The following LTBP2 variants were observed in gnomAD, a reference collection of about 807,000 sequenced individuals.
LTBP2 encodes latent transforming growth factor beta binding protein 2, also known as latent-transforming growth factor beta-binding protein 2.
LTBP2 carries 103 observed loss-of-function variants against 210.6 expected under a neutral mutation model. The observed-to-expected ratio is 0.49, with a 90% CI of 0.42 to 0.58. The LOEUF is 0.58. LTBP2 is among the 20% of genes least tolerant of loss of function. The pLI is 0.00. For synonymous variants in LTBP2, 1,007 were observed against 1,015.0 expected, an observed-to-expected ratio of 0.99 and a Z score of 0.15; for missense variants, 2,313 against 2,494.5, an observed-to-expected ratio of 0.93 and a Z score of 1.55.
chr14:74,517,003 G>A, intron 17 of LTBP2, 62 bp from the exon 18 acceptor site: 1 of 1,540,388 alleles, frequency 6.5e-7, no homozygotes, highest in South Asian at 1.2e-5. Context: ...GAGGGGGCGG[G>A]GTCCTGGAGC....
rs1176431985 is a variant in LTBP2, at chr14:74,540,820, ATT to A, written c.1790-4822_1790-4821del. On this transcript the variant is annotated intron_variant, in intron 8 of 35. Transcript: ENST00000261978. ...TTATATATATATATAATATATATAT[ATT>A]TTTATATAATATATATTTATATATA... 1.0e-3 allele frequency among the ~76,000 whole-genome samples: 20 copies of A among 19,506 alleles called. No individual in the cohort carries two copies. The Non-Finnish European group carries it at 0.011, about 11-fold the overall frequency. The allele number at this position is 19,506 out of a possible 152,430, so 12.8% of individuals were successfully genotyped here. A position where few individuals can be genotyped will look rare whatever the true frequency, so the allele number is the denominator to read the frequency against.
chr14:74,600,397 G>T (rs1197764097), intron 2 of LTBP2, among the ~76,000 whole-genome samples: 2 of 152,164 alleles, frequency 1.3e-5, no homozygotes, highest in African/African-American at 4.8e-5. Flanking sequence ...AGGGGAGAAG[G>T]TATGGCAGCA....
chr14:74,580,691 C>T (rs1459153284), intron 3 of LTBP2, among the ~76,000 whole-genome samples: 1 of 152,172 alleles, frequency 6.6e-6, no homozygotes, highest in Non-Finnish European at 1.5e-5. Context: ...GGGCCAGGTG[C>T]AGTGGCTCAC....
At chr14:74,604,171 A>AAAAAAAAAAAAAAAAAAAAAAC (rs2088490397) in intron 1 of LTBP2, among the ~76,000 whole-genome samples, 1 of 150,628 alleles carries the variant, frequency 6.6e-6, no homozygotes, top group African/African-American at 2.5e-5. Context: ...CACCAAAAAA[A>AAAAAAAAAAAAAAAAAAAAAAC]AAAAAAAAAA....
chr14:74,566,411 G>C (rs573768440), intron 3 of LTBP2, among the ~76,000 whole-genome samples: 1 of 152,238 alleles, frequency 6.6e-6, no homozygotes, highest in Non-Finnish European at 1.5e-5. Context: ...CGGCCAAAGC[G>C]CAGAGGCTGC....
intron 8 of LTBP2, among the ~76,000 whole-genome samples, chr14:74,545,082 G>A (rs1012723167): frequency 2.6e-5 from 4 of 152,106 alleles, no homozygotes; most frequent in African/African-American, 9.7e-5. Flanking sequence ...ATCTTGACGC[G>A]CATCCTCTTG....
Position 74,527,355 on chromosome 14 carries a change from C to G in LTBP2, c.2380G>C (p.Ala794Pro). Residue 794 changes from alanine (A) to proline (P), a missense_variant, in exon 13 of 36, where the codon GCT becomes CCT. Physicochemically the swap from Ala to Pro is conservative, Grantham distance 27 (BLOSUM62 -1). This residue lies in a region of LTBP2 where 1,867 missense variants were observed against 1,976.9 expected (regional missense o/e 0.94). Transcript: ENST00000261978. ...GTIPDKGDSQ[A>P]GQVTTSVTHA... Reference sequence around the variant, plus strand: ...TGGGAGGACGCACTCACCTGGCCAGCCTGAGAGTCACCTGGAAGGGAAAGG... The same window carrying G: ...TGGGAGGACGCACTCACCTGGCCAGGCTGAGAGTCACCTGGAAGGGAAAGG... The G allele has an allele frequency of 9.3e-6, 15 of 1,611,590 alleles. No homozygotes were observed. The highest frequency in any genetic ancestry group is 1.2e-5 in the Non-Finnish European group (14 of 1,179,188).
At chr14:74,506,008 C>A in intron 28 of LTBP2, 40 bp downstream of exon 28, 31 of 1,613,472 alleles carry the variant, frequency 1.9e-5, no homozygotes, top group Non-Finnish European at 2.5e-5. Flanking sequence ...TCTCTGTAAA[C>A]CTCTGAGTCA....
Position 74,611,702 on chromosome 14 carries a change from GC to G in LTBP2, c.242del (p.Gly81AlafsTer199). On this transcript the variant is annotated frameshift_variant, in exon 1 of 36. Coordinates refer to ENST00000261978, the MANE Select transcript of LTBP2 (RefSeq NM_000428.3). LOFTEE classifies it high-confidence loss of function. Reference sequence around the variant, plus strand: ...GCTGGGCCCGCTCCACGGGCTGCAAGCCCGCGACAGGCGCGTCCTGCTCCCG... The same window carrying G: ...GCTGGGCCCGCTCCACGGGCTGCAAGCCGCGACAGGCGCGTCCTGCTCCCG... ...LFREQDAPVA[G>X]LQPVERAQPG... The G allele has an allele frequency of 6.3e-7, 1 of 1,587,692 alleles. No individual in the cohort carries two copies. The highest frequency in any genetic ancestry group is 8.5e-7 in the Non-Finnish European group (1 of 1,173,092).
chr14:74,510,686 C>A (rs1271295959), intron 19 of LTBP2, among the ~76,000 whole-genome samples: 1 of 152,226 alleles, frequency 6.6e-6, no homozygotes, highest in Non-Finnish European at 1.5e-5. Flanking sequence ...GCCCTGAGGG[C>A]CTGGGAAACG....
At chr14:74,531,998 C>T (rs2087356136) in intron 10 of LTBP2, among the ~76,000 whole-genome samples, 1 of 152,210 alleles carries the variant, frequency 6.6e-6, no homozygotes, top group Non-Finnish European at 1.5e-5. Flanking sequence ...TCGGGTCGGG[C>T]AGCAGCTCCA....
At chr14:74,514,686 C>T (rs1041386125) in intron 18 of LTBP2, among the ~76,000 whole-genome samples, 2 of 152,142 alleles carry the variant, frequency 1.3e-5, no homozygotes, top group African/African-American at 2.4e-5. Context: ...CCTGGAGTCC[C>T]GGTACGACGG....
chr14:74,564,165 A>ATG (rs1566640646), intron 3 of LTBP2, among the ~76,000 whole-genome samples: 1 of 19,640 alleles, frequency 5.1e-5, no homozygotes, highest in Non-Finnish European at 8.8e-5. Flanking sequence ...ATATATATTT[A>ATG]TATATATATT....
chr14:74,555,376 T>C, intron 4 of LTBP2, 127 bp downstream of exon 4: 3 of 1,017,946 alleles, frequency 2.9e-6, no homozygotes, highest in East Asian at 4.8e-5. Flanking sequence ...CGTTTGTTGA[T>C]TGGCTGAAAG....
Position 74,551,167 on chromosome 14 carries a change from T to C in LTBP2, c.1583A>G (p.Asn528Ser), listed in dbSNP as rs201484114. Residue 528 changes from asparagine (N) to serine (S), a missense_variant, in exon 7 of 36, where the codon AAC becomes AGC. Coordinates refer to ENST00000261978, the MANE Select transcript of LTBP2 (RefSeq NM_000428.3). ...SPGHSLWDSNNIPARSGEPPR... is the reference protein window; with the variant it reads ...SPGHSLWDSNSIPARSGEPPR... ...GGGCTCTCCAGACCGAGCAGGGATG[T>C]TGTTGCTGTCCCAGAGGCTGTGGCC... The C allele has an allele frequency of 9.9e-6, 16 of 1,613,726 alleles. No homozygotes were observed. In the Admixed American group the frequency reaches 1.0e-4, roughly 10 times the overall value.
chr14:74,574,360 C>T (rs923644107), intron 3 of LTBP2, among the ~76,000 whole-genome samples: 1 of 152,168 alleles, frequency 6.6e-6, no homozygotes, highest in Non-Finnish European at 1.5e-5. Flanking sequence ...CTCTGGGGAA[C>T]CTCTGCACCC....
Position 74,503,554 on chromosome 14 carries a change from C to G in LTBP2, c.4635G>C (p.Thr1545=), listed in dbSNP as rs144967693. The part of the protein sequence containing the change: ...LACENGECVN[T]EGSFHCFCSP... ...TGCAGAAGCAGTGGAAGGAGCCCTCCGTGTTGACGCACTCGCCATTCTCAC... is the reference window on the plus strand; with the variant it reads ...TGCAGAAGCAGTGGAAGGAGCCCTCGGTGTTGACGCACTCGCCATTCTCAC... The change falls in exon 32 of 36, where the codon ACG becomes ACC. Residue 1545 remains threonine (T), a synonymous_variant. Coordinates refer to ENST00000261978, the MANE Select transcript of LTBP2 (RefSeq NM_000428.3). 8 of 1,613,710 alleles carry G rather than the reference C, an allele frequency of 5.0e-6. No individual in the cohort carries two copies. In the South Asian group the frequency reaches 6.6e-5, roughly 13 times the overall value.
chr14:74,508,779 CCCCACACACTCATGCCCCCCA>C, intron 23 of LTBP2, 30 bp downstream of exon 23: 1 of 1,613,528 alleles, frequency 6.2e-7, no homozygotes. Context: ...GTGCCTGCCT[CCCCACACACTCATGCCCCCCA>C]CCCCCAGTAG....
At chr14:74,571,107 G>A (rs914159429) in intron 3 of LTBP2, among the ~76,000 whole-genome samples, 5 of 151,298 alleles carry the variant, frequency 3.3e-5, no homozygotes, top group African/African-American at 4.9e-5. Flanking sequence ...TGAGGTGGGC[G>A]GATCACTTGA....
Sources: allele counts gnomAD v4.1 joint callset (sites outside exome capture counted in the v4.1 genomes callset), GRCh38; gene constraint gnomAD v4.1.1; regional missense constraint gnomAD v4.1.1; transcripts MANE v1.5; gene names NCBI Gene and HGNC (gene_info 2026-07-23, HGNC 2026-07-21).